The following BRD3 variants were observed in gnomAD, a reference collection of about 807,000 sequenced individuals.
BRD3 encodes the protein bromodomain-containing protein 3.
Under a neutral mutation model 66.8 loss-of-function variants are expected in BRD3, and 17 were observed. The ratio of observed to expected loss-of-function variants is 0.25; its 90% CI spans 0.17 to 0.38. The LOEUF (loss-of-function observed/expected upper bound fraction) is 0.38. Among genes scored for constraint, BRD3 ranks in the 10% least tolerant of loss-of-function variants. The pLI is 1.00. For synonymous variants in BRD3, 421 were observed against 393.2 expected, an observed-to-expected ratio of 1.07 and a Z score of -0.84; for missense variants, 713 against 956.1, an observed-to-expected ratio of 0.75 and a Z score of 3.35.
At chr9:134,042,472 C>A (rs1054971192) in intron 7 of BRD3, among the ~76,000 whole-genome samples, 3 of 152,004 alleles carry the variant, frequency 2.0e-5, no homozygotes, top group Non-Finnish European at 4.4e-5. Context: ...ACTTTATTTA[C>A]AAAAAAATAT....
Position 134,050,437 on chromosome 9 carries a change from G to A in BRD3, c.651C>T (p.Ala217=), listed in dbSNP as rs199830605. 137 of 1,612,250 alleles carry A rather than the reference G, an allele frequency of 8.5e-5. No homozygotes were observed. The South Asian group carries it at 1.2e-3, about 14-fold the overall frequency. ...NVTSVPVPPA[A]APPPPATPIV... ...TGGGTGTGGCAGGAGGAGGTGGGGCGGCAGCTGGGGGGACTGGGACCGACG... is the reference window on the plus strand; with the variant it reads ...TGGGTGTGGCAGGAGGAGGTGGGGCAGCAGCTGGGGGGACTGGGACCGACG... The change falls in exon 5 of 12, where the codon GCC becomes GCT. Residue 217 remains alanine, a synonymous_variant. Coordinates refer to ENST00000303407, the MANE Select transcript of BRD3 (RefSeq NM_007371.4).
chr9:134,062,108 C>T (rs1401890500), intron 1 of BRD3, among the ~76,000 whole-genome samples: 1 of 152,170 alleles, frequency 6.6e-6, no homozygotes, highest in Non-Finnish European at 1.5e-5. Context: ...GGGTTGGGGG[C>T]CCCCTGTAGC....
intron 7 of BRD3, among the ~76,000 whole-genome samples, chr9:134,043,207 G>C (rs962672575): frequency 1.3e-5 from 2 of 152,032 alleles, no homozygotes; most frequent in Non-Finnish European, 2.9e-5. Context: ...CTGAGCTCAA[G>C]TGATCCTCCC....
chr9:134,034,616 C>T (rs538472005), intron 11 of BRD3, 85 bp downstream of exon 11: 40 of 1,552,696 alleles, frequency 2.6e-5, no homozygotes, highest in Admixed American at 1.8e-4. Context: ...CACACTCAGA[C>T]GTGGGCCTGC....
Position 134,052,390 on chromosome 9 carries a change from T to C in BRD3, c.267A>G (p.Arg89=), listed in dbSNP as rs547260681. ...CACTCCAATAATAATTATTTTCTAG[T>C]CTCTTCTTAATAGTCCCCATATCCA... is the stretch of plus-strand genomic sequence containing the variant. ...NPMDMGTIKK[R]LENNYYWSAS... Residue 89 remains arginine, a synonymous_variant, in exon 3 of 12, where the codon AGA becomes AGG. Coordinates refer to ENST00000303407, the MANE Select transcript of BRD3 (RefSeq NM_007371.4). The C allele has an allele frequency of 3.7e-6, 6 of 1,612,812 alleles. No individual in the cohort carries two copies. In the South Asian group the frequency reaches 5.5e-5, roughly 15 times the overall value.
intron 10 of BRD3, among the ~76,000 whole-genome samples, chr9:134,035,433 C>T (rs1319398312): frequency 1.3e-5 from 2 of 152,200 alleles, no homozygotes; most frequent in African/African-American, 4.8e-5. Context: ...AGGGCTGCCT[C>T]GGGTCTGCCC....
intron 7 of BRD3, among the ~76,000 whole-genome samples, chr9:134,042,918 C>T (rs1177249692): frequency 6.6e-6 from 1 of 151,982 alleles, no homozygotes; most frequent in African/African-American, 2.4e-5. Flanking sequence ...CAGCTCACTG[C>T]ATCCTCCACA....
chr9:134,032,838 TC>T lies in BRD3; in HGVS notation c.*751del, dbSNP rs1335210286. ...ATTGCCGAACCTTACAAAAAAAGTCTCCTTTTTTTTTTTTTTTAAATCTTTT... is the reference window on the plus strand; with the variant it reads ...ATTGCCGAACCTTACAAAAAAAGTCTCTTTTTTTTTTTTTTTAAATCTTTT... On this transcript the variant is annotated 3_prime_UTR_variant, in exon 12 of 12. Transcript: ENST00000303407. 2.3e-5 allele frequency: 6 copies of T among 259,750 alleles called. No homozygotes were observed. The highest frequency in any genetic ancestry group is 6.0e-5 in the Admixed American group (1 of 16,718). 16.1% of individuals were successfully genotyped at this position (259,750 alleles called of 1,614,324 possible). A position where few individuals can be genotyped will look rare whatever the true frequency, so the allele number is the denominator to read the frequency against.
intron 10 of BRD3, 154 bp downstream of exon 10, chr9:134,035,878 A>G: frequency 2.7e-6 from 3 of 1,105,142 alleles, no homozygotes; most frequent in Non-Finnish European, 3.8e-6. Flanking sequence ...GAGCACAGAT[A>G]TCCTCAGGGC....
In BRD3 at chr9:134,052,402, A is replaced by G. The variant is rs1220703669; in HGVS notation, c.255T>C (p.Thr85=). Residue 85 remains threonine (T), a synonymous_variant, in exon 3 of 12, where the codon ACT becomes ACC. Transcript: ENST00000303407. The part of the protein sequence containing the change: ...KIIKNPMDMG[T]IKKRLENNYY... ...AATTATTTTCTAGTCTCTTCTTAAT[A>G]GTCCCCATATCCATTGGGTTTTTAA... 1 of 1,612,152 alleles carries G rather than the reference A, an allele frequency of 6.2e-7. No individual in the cohort carries two copies. The highest frequency in any genetic ancestry group is 8.5e-7 in the Non-Finnish European group (1 of 1,179,368).
intron 5 of BRD3, among the ~76,000 whole-genome samples, chr9:134,049,119 G>A (rs1292111676): frequency 6.6e-6 from 1 of 152,128 alleles, no homozygotes; most frequent in Non-Finnish European, 1.5e-5. Flanking sequence ...AGAGGAGGGA[G>A]ATGACCCACA....
At chr9:134,041,683 A>T in intron 8 of BRD3, 77 bp downstream of exon 8, 1 of 1,518,642 alleles carries the variant, frequency 6.6e-7, no homozygotes, top group Non-Finnish European at 8.8e-7. Context: ...GAACCATGCA[A>T]AGGGACGGAC....
intron 7 of BRD3, among the ~76,000 whole-genome samples, chr9:134,044,020 G>A (rs1830115499): frequency 6.6e-6 from 1 of 152,238 alleles, no homozygotes; most frequent in African/African-American, 2.4e-5. Context: ...TCCCTGCTCG[G>A]TCTGCAAGCC....
At chr9:134,051,499 G>C (rs1007441828) in intron 4 of BRD3, 63 bp downstream of exon 4, 2 of 1,440,606 alleles carry the variant, frequency 1.4e-6, no homozygotes, top group African/African-American at 3.0e-5. Flanking sequence ...TCGCGTCCCA[G>C]CCCATCCACC....
Position 134,050,467 on chromosome 9 carries a change from G to T in BRD3, c.621C>A (p.Asn207Lys). 1 of 1,612,294 alleles carries T rather than the reference G, an allele frequency of 6.2e-7. No individual in the cohort carries two copies. The highest frequency in any genetic ancestry group is 8.5e-7 in the Non-Finnish European group (1 of 1,179,494). The change falls in exon 5 of 12, where the codon AAC becomes AAA. Residue 207 changes from asparagine (N) to lysine (K), a missense_variant. By Grantham distance (94) the Asn-to-Lys change is moderately conservative. This residue lies in a region of BRD3 where 120 missense variants were observed against 122.8 expected (regional missense o/e 0.98). Coordinates refer to ENST00000303407, the MANE Select transcript of BRD3 (RefSeq NM_007371.4). The part of the protein sequence containing the change: ...AATPVPTITA[N>K]VTSVPVPPAA... ...CTGGGGGGACTGGGACCGACGTGAC[G>T]TTTGCAGTGATGGTTGGTACAGGGG... is the stretch of plus-strand genomic sequence containing the variant.
chr9:134,035,996 G>T, intron 10 of BRD3, 36 bp downstream of exon 10: 1 of 1,557,006 alleles, frequency 6.4e-7, no homozygotes, highest in Middle Eastern at 1.7e-4. Context: ...GAGGGGAGAG[G>T]AACTTCAAGC....
At chr9:134,050,665 G>A (rs1285864013) in intron 4 of BRD3, 77 bp from the exon 5 acceptor site, 14 of 1,216,182 alleles carry the variant, frequency 1.2e-5, no homozygotes, top group Non-Finnish European at 1.6e-5. Context: ...CACCCCTCCA[G>A]CCAGAACACG....
At chr9:134,044,088 G>C (rs908159566) in intron 7 of BRD3, among the ~76,000 whole-genome samples, 1 of 152,224 alleles carries the variant, frequency 6.6e-6, no homozygotes, top group African/African-American at 2.4e-5. Context: ...TATTTACCAG[G>C]CTCCAGAGGA....
Position 134,034,571 on chromosome 9 carries a change from T to C in BRD3, c.2065+130A>G, listed in dbSNP as rs1245404758. On this transcript the variant is annotated intron_variant, in intron 11 of 11. Transcript: ENST00000303407. ...ATGGAGGTTTCAGGAGCTCAAGAGC[T>C]CGTCTAAGAACATGGAGCTCATCAG... 5 of 1,305,494 alleles carry C rather than the reference T, an allele frequency of 3.8e-6. No homozygotes were observed. The East Asian group carries it at 9.8e-5, about 26-fold the overall frequency. The allele number at this position is 1,305,494 out of a possible 1,614,324, so 80.9% of individuals were successfully genotyped here.
Sources: gnomAD v4.1 joint callset for allele counts (sites outside exome capture counted in the v4.1 genomes callset) on GRCh38, gnomAD v4.1.1 for gene constraint, gnomAD v4.1.1 regional missense constraint, MANE v1.5 for transcripts, NCBI Gene and HGNC (gene_info 2026-07-23, HGNC 2026-07-21) for gene names.